The following INSYN2B variants were observed in gnomAD, a reference collection of about 807,000 sequenced individuals.
The protein encoded by INSYN2B is protein INSYN2B.
INSYN2B carries 16 observed loss-of-function variants against 41.2 expected under a neutral mutation model. That is an observed-to-expected ratio of 0.39 (90% CI 0.26 to 0.59). The LOEUF (loss-of-function observed/expected upper bound fraction) is 0.59, where lower values mean the gene tolerates loss of function less well. INSYN2B is among the 20% of genes least tolerant of loss of function. INSYN2B has a pLI of 0.57. For missense variants in INSYN2B, 608 were observed against 646.4 expected (o/e 0.94, Z 0.64); for synonymous variants, 245 against 244.4 (o/e 1.00, Z -0.02).
chr5:169,901,256 C>T (rs929848719), intron 1 of INSYN2B, among the ~76,000 whole-genome samples: 5 of 152,100 alleles, frequency 3.3e-5, no homozygotes, highest in Admixed American at 6.5e-5. Flanking sequence ...GGTATTTGGC[C>T]TTTGTAACAG....
chr5:169,941,555 T>C (rs1026671745), intron 1 of INSYN2B, among the ~76,000 whole-genome samples: 1 of 152,172 alleles, frequency 6.6e-6, no homozygotes, highest in Middle Eastern at 3.4e-3. Flanking sequence ...GTGCAAGAGG[T>C]GGGCTGCACA....
At chr5:169,976,151 C>T (rs935927244) in intron 1 of INSYN2B, among the ~76,000 whole-genome samples, 3 of 152,170 alleles carry the variant, frequency 2.0e-5, no homozygotes, top group African/African-American at 7.2e-5. Context: ...TTATTGAACC[C>T]ATGCAATATG....
chr5:169,969,545 G>C (rs1777424856), intron 1 of INSYN2B, among the ~76,000 whole-genome samples: 3 of 152,346 alleles, frequency 2.0e-5, no homozygotes, highest in Non-Finnish European at 4.4e-5. Context: ...GAAGTTGAGA[G>C]CAGGTGGTAT....
intron 1 of INSYN2B, among the ~76,000 whole-genome samples, chr5:169,890,570 A>G (rs1242793713): frequency 6.6e-6 from 1 of 152,178 alleles, no homozygotes; most frequent in Admixed American, 6.5e-5. Context: ...AGTAAGGAAA[A>G]GGGTATATTT....
At position 169,966,714 on chromosome 5, in the gene INSYN2B, A is replaced by C. The variant is rs974255975; in HGVS notation, c.-919+13563T>G. Among the ~76,000 whole-genome samples the C allele has an allele frequency of 2.0e-5, 3 of 152,104 alleles. No homozygotes were observed. The East Asian group carries it at 5.8e-4, about 29-fold the overall frequency. ...ACAGAGCTGAGACTATGGTCTCCTC[A>C]CTCTGGGACAAGTGTTGTTTCCTAC... On this transcript the variant is annotated intron_variant, in intron 1 of 3. Coordinates refer to ENST00000377365, the MANE Select transcript of INSYN2B (RefSeq NM_001129891.3).
rs549045156 is a variant in INSYN2B at position 169,954,797 on chromosome 5, G to A, written c.-919+25480C>T. Among the ~76,000 whole-genome samples the A allele has an allele frequency of 4.6e-5, 7 of 152,320 alleles. No homozygotes were observed. The East Asian group carries it at 5.8e-4, about 13-fold the overall frequency. Reference sequence around the variant, plus strand: ...GGGAGTGACCTCATGAGAGGTCAACGCAGCTGATGCTGGGAAGGCTCATAC... The same window carrying A: ...GGGAGTGACCTCATGAGAGGTCAACACAGCTGATGCTGGGAAGGCTCATAC... On this transcript the variant is annotated intron_variant, in intron 1 of 3. Transcript: ENST00000377365.
At chr5:169,957,906 T>C (rs1195668406) in intron 1 of INSYN2B, among the ~76,000 whole-genome samples, 2 of 152,178 alleles carry the variant, frequency 1.3e-5, no homozygotes, top group Non-Finnish European at 2.9e-5. Context: ...CACACTGAGC[T>C]AAGCAGCAAA....
At chr5:169,972,548 GA>G (rs1372806731) in intron 1 of INSYN2B, among the ~76,000 whole-genome samples, 2 of 71,668 alleles carry the variant, frequency 2.8e-5, no homozygotes, top group Admixed American at 1.6e-4. Flanking sequence ...GAGACAGATA[GA>G]TAGATAGATA....
rs76730978 is a variant in INSYN2B, at chr5:169,952,648, G to A, written c.-919+27629C>T. 8.0e-3 allele frequency among the ~76,000 whole-genome samples: 1,217 copies of A among 152,184 alleles called. 64 individuals carry two copies. The East Asian group carries it at 0.13, about 17-fold the overall frequency. On this transcript the variant is annotated intron_variant, in intron 1 of 3. Coordinates refer to ENST00000377365, the MANE Select transcript of INSYN2B (RefSeq NM_001129891.3). ...CCTGCTAAGAGCTCTGGAATAGAAG[G>A]GATGCACAGCACCCCACCTGCTTTT...
In INSYN2B at chr5:169,912,676, A is replaced by T. The variant is rs537011348; in HGVS notation, c.-918-27860T>A. The stretch of plus-strand genomic sequence containing the variant: ...TGGGTACATTCATTCATGTTGCATT[A>T]TACCCATAATGTATGAAGGTAGTAG... On this transcript the variant is annotated intron_variant, in intron 1 of 3. Transcript: ENST00000377365. Among the ~76,000 whole-genome samples, 10 of 152,150 alleles carry T rather than the reference A, an allele frequency of 6.6e-5. 1 individual carries two copies. The highest frequency in any genetic ancestry group is 2.2e-4 in the African/African-American group (9 of 41,488).
At position 169,925,579 on chromosome 5, in the gene INSYN2B, TA is replaced by T. The variant is rs34833916; in HGVS notation, c.-918-40764del. ...TGGGCGACAGAGCAAGACTCTGTCTTAAAAAAAAAAAAAAAAAAAAAAAAAA... is the reference window on the plus strand; with the variant it reads ...TGGGCGACAGAGCAAGACTCTGTCTTAAAAAAAAAAAAAAAAAAAAAAAAA... On this transcript the variant is annotated intron_variant, in intron 1 of 3. Coordinates refer to ENST00000377365, the MANE Select transcript of INSYN2B (RefSeq NM_001129891.3). Among the ~76,000 whole-genome samples the T allele has an allele frequency of 4.7e-3, 374 of 80,272 alleles. 5 individuals are homozygous for T. Among genetic ancestry groups the T allele is most frequent in the African/African-American group, 0.018 (349 of 19,456 alleles). The allele number at this position is 80,272 out of a possible 152,430, so 52.7% of individuals were successfully genotyped here.
At chr5:169,974,378 T>C (rs990973700) in intron 1 of INSYN2B, among the ~76,000 whole-genome samples, 4 of 152,248 alleles carry the variant, frequency 2.6e-5, no homozygotes, top group Non-Finnish European at 5.9e-5. Flanking sequence ...CTCTTTCTTC[T>C]GGTTTTTTCT....
At chr5:169,977,628 C>G (rs905624724) in intron 1 of INSYN2B, among the ~76,000 whole-genome samples, 1 of 152,126 alleles carries the variant, frequency 6.6e-6, no homozygotes, top group Non-Finnish European at 1.5e-5. Context: ...GCTCCTAAGC[C>G]CCCACTCTCA....
chr5:169,879,576 G>T (rs1029726818), intron 3 of INSYN2B, among the ~76,000 whole-genome samples: 4 of 152,216 alleles, frequency 2.6e-5, no homozygotes, highest in African/African-American at 9.6e-5. Context: ...GTGCATGAAG[G>T]TTTGCTAACC....
chr5:169,972,696 C>G (rs1777566541), intron 1 of INSYN2B, among the ~76,000 whole-genome samples: 1 of 152,150 alleles, frequency 6.6e-6, no homozygotes, highest in Admixed American at 6.5e-5. Flanking sequence ...TCATACCTGA[C>G]ATAGCTCCTT....
At chr5:169,948,613 A>ATTTTTTTTTTTTTTTTTTTTTTTTTT in intron 1 of INSYN2B, among the ~76,000 whole-genome samples, 1 of 135,950 alleles carries the variant, frequency 7.4e-6, no homozygotes, top group South Asian at 2.5e-4. Context: ...TCCACAATTA[A>ATTTTTTTTTTTTTTTTTTTTTTTTTT]TTTTTTTTTT....
At chr5:169,895,925 C>A (rs375727085) in intron 1 of INSYN2B, among the ~76,000 whole-genome samples, 62 of 152,330 alleles carry the variant, frequency 4.1e-4, no homozygotes, top group African/African-American at 1.3e-3. Flanking sequence ...TCCCTATTTT[C>A]TGGCCTGGAG....
At chr5:169,972,653 G>A (rs919217814) in intron 1 of INSYN2B, among the ~76,000 whole-genome samples, 11 of 148,324 alleles carry the variant, frequency 7.4e-5, no homozygotes, top group Non-Finnish European at 1.6e-4. Context: ...AATCTCCCCT[G>A]TTAGTCTGAG....
At chr5:169,872,673 C>A (rs570869252) in intron 3 of INSYN2B, among the ~76,000 whole-genome samples, 2 of 152,112 alleles carry the variant, frequency 1.3e-5, no homozygotes, top group African/African-American at 4.8e-5. Context: ...GCATGTGAAA[C>A]CCTCAGAAAG....
Sources: gnomAD v4.1 joint callset for allele counts (sites outside exome capture counted in the v4.1 genomes callset) on GRCh38, gnomAD v4.1.1 for gene constraint, MANE v1.5 for transcripts, NCBI Gene and HGNC (gene_info 2026-07-23, HGNC 2026-07-21) for gene names.